The following TEX2 variants were observed in gnomAD, a reference collection of about 807,000 sequenced individuals.
TEX2 encodes testis expressed 2, also known as testis-expressed protein 2.
Under a neutral mutation model 106.9 loss-of-function variants are expected in TEX2, and 53 were observed. The observed-to-expected ratio is 0.50, with a 90% confidence interval of 0.40 to 0.62. The LOEUF (loss-of-function observed/expected upper bound fraction) is 0.62. Ranked by LOEUF, TEX2 falls within the 20% of genes least tolerant of loss-of-function variation. TEX2 has a pLI of 0.00. For synonymous variants in TEX2, 523 were observed against 534.8 expected (o/e 0.98, Z 0.30); for missense variants, 1,207 against 1,379.0 (o/e 0.88, Z 1.98).
chr17:64,197,922 T>C (rs1189748056), intron 2 of TEX2, among the ~76,000 whole-genome samples: 1 of 152,192 alleles, frequency 6.6e-6, no homozygotes, highest in East Asian at 1.9e-4. Context: ...CTGCAATTTC[T>C]GATAGGTTGT....
rs1386917070 is a variant in TEX2 at position 64,188,151 on chromosome 17, C to T, written c.2424+17G>A. The stretch of plus-strand genomic sequence containing the variant: ...AGTCGAAAAGTGAAAAAGGTCCGGC[C>T]CAGCAGCCAGCTTTACCTTCTTCCC... On this transcript the variant is annotated intron_variant, in intron 5 of 11. Transcript: ENST00000584379. The T allele has an allele frequency of 2.5e-6, 4 of 1,599,614 alleles. No homozygotes were observed. The African/African-American group carries it at 4.0e-5, about 16-fold the overall frequency.
At chr17:64,193,463 G>A in intron 4 of TEX2, 96 bp downstream of exon 4, 1 of 993,982 alleles carries the variant, frequency 1.0e-6, no homozygotes, top group Admixed American at 2.8e-5. Context: ...TTCAGGGTGG[G>A]CTTCCTTCCT....
intron 1 of TEX2, among the ~76,000 whole-genome samples, chr17:64,237,867 T>G (rs1555635299): frequency 6.6e-6 from 1 of 152,186 alleles, no homozygotes; most frequent in Non-Finnish European, 1.5e-5. Flanking sequence ...TACTATTACA[T>G]GTCCACCCAG....
At chr17:64,236,426 G>A (rs1417148720) in intron 1 of TEX2, among the ~76,000 whole-genome samples, 1 of 152,146 alleles carries the variant, frequency 6.6e-6, no homozygotes, top group Non-Finnish European at 1.5e-5. Flanking sequence ...TTAGCTGGGT[G>A]TGATGGCTCA....
intron 2 of TEX2, among the ~76,000 whole-genome samples, chr17:64,209,315 C>T (rs2032928732): frequency 6.6e-6 from 1 of 152,200 alleles, no homozygotes; most frequent in African/African-American, 2.4e-5. Flanking sequence ...ACAGCATATC[C>T]TTCTAATTCA....
intron 4 of TEX2, among the ~76,000 whole-genome samples, chr17:64,192,131 T>C (rs2032324090): frequency 6.6e-6 from 1 of 152,196 alleles, no homozygotes; most frequent in African/African-American, 2.4e-5. Flanking sequence ...AGGCAGTGCC[T>C]GGTGCTGAGG....
intron 2 of TEX2, among the ~76,000 whole-genome samples, chr17:64,209,060 A>G (rs2032922131): frequency 6.6e-6 from 1 of 152,172 alleles, no homozygotes; most frequent in Non-Finnish European, 1.5e-5. Flanking sequence ...CCTATCACAT[A>G]CCTAATACGT....
At chr17:64,206,151 C>G (rs1424875764) in intron 2 of TEX2, among the ~76,000 whole-genome samples, 1 of 152,126 alleles carries the variant, frequency 6.6e-6, no homozygotes, top group Non-Finnish European at 1.5e-5. Flanking sequence ...CCCCATTTTC[C>G]CCGTGCCCAA....
At chr17:64,165,354 C>T (rs2031079202) in intron 7 of TEX2, among the ~76,000 whole-genome samples, 1 of 152,170 alleles carries the variant, frequency 6.6e-6, no homozygotes, top group Admixed American at 6.5e-5. Flanking sequence ...AGAGCTCCAC[C>T]CCTTCAAGGT....
rs781966552 is a variant in TEX2 at position 64,213,860 on chromosome 17, G to C, written c.358C>G (p.Pro120Ala). ...SKNTVKLLES[P>A]VPAAQVLSTV... ...CTTAATACTTGTGCTGCTGGAACAG[G>C]GGACTCCAACAGCTTTACAGTGTTC... The change falls in exon 2 of 12, where the codon CCT becomes GCT. Residue 120 changes from proline (P) to alanine (A), a missense_variant. By Grantham distance (27) the Pro-to-Ala change is conservative (BLOSUM62 -1). Transcript: ENST00000584379. The surrounding 1 kb of genome is among the most constrained non-coding windows in gnomAD (Gnocchi z 4.4). 9.3e-6 allele frequency: 15 copies of C among 1,614,204 alleles called. No homozygotes were observed. Among genetic ancestry groups the C allele is most frequent in the Non-Finnish European group, 1.2e-5 (14 of 1,180,032 alleles).
chr17:64,247,123 C>T (rs1209077037), intron 1 of TEX2, among the ~76,000 whole-genome samples: 1 of 151,296 alleles, frequency 6.6e-6, no homozygotes, highest in Non-Finnish European at 1.5e-5. Flanking sequence ...ACTAAAATTA[C>T]AAAAATTAGC....
At chr17:64,215,103 G>A (rs73328151) in intron 1 of TEX2, among the ~76,000 whole-genome samples, 2,202 of 152,296 alleles carry the variant, frequency 0.014, 52 homozygotes, top group African/African-American at 0.05. Context: ...TCTTTCTGGA[G>A]CTTAGCTGGA....
intron 1 of TEX2, among the ~76,000 whole-genome samples, chr17:64,259,548 A>C (rs2034251098): frequency 6.6e-6 from 1 of 152,236 alleles, no homozygotes; most frequent in Admixed American, 6.5e-5. Flanking sequence ...TCCTGAAGTT[A>C]ATGTTTCTCA....
intron 1 of TEX2, among the ~76,000 whole-genome samples, chr17:64,226,860 A>C (rs973805577): frequency 9.2e-5 from 14 of 152,096 alleles, no homozygotes; most frequent in African/African-American, 3.4e-4. Flanking sequence ...TAGTATAAAA[A>C]ATAATAAAAT....
chr17:64,157,975 C>G (rs1393960562), intron 8 of TEX2, among the ~76,000 whole-genome samples: 1 of 152,222 alleles, frequency 6.6e-6, no homozygotes, highest in African/African-American at 2.4e-5. Context: ...GCAGAGCGCT[C>G]CCTTTAACTA....
rs1159868276 is a variant in TEX2 at position 64,195,474 on chromosome 17, T to A, written c.1645-379A>T. Among the ~76,000 whole-genome samples, 3 of 152,166 alleles carry A rather than the reference T, an allele frequency of 2.0e-5. No individual in the cohort carries two copies. On this transcript the variant is annotated intron_variant, in intron 2 of 11. Transcript: ENST00000584379. The surrounding 1 kb of genome is among the most constrained non-coding windows in gnomAD (Gnocchi z 4.1). ...TCCCACCCAGTCTGGCCTTCTTAATTAGCTAAACACATGCTCTTCCCAGCC... is the reference window on the plus strand; with the variant it reads ...TCCCACCCAGTCTGGCCTTCTTAATAAGCTAAACACATGCTCTTCCCAGCC...
At position 64,193,632 on chromosome 17, in the gene TEX2, A is replaced by G. The variant is rs187265452; in HGVS notation, c.2103T>C (p.Phe701=). Residue 701 remains phenylalanine, a synonymous_variant, in exon 4 of 12, where the codon TTT becomes TTC. Transcript: ENST00000584379. The part of the protein sequence containing the change: ...GRTGREKEEW[F]RRFILASKLK... ...GCTTAGATGCCAGAATAAATCTCCT[A>G]AACCATTCCTCTTTTTCTCGGCCAG... The G allele has an allele frequency of 6.5e-7, 1 of 1,540,596 alleles. No homozygotes were observed. The highest frequency in any genetic ancestry group is 2.3e-5 in the East Asian group (1 of 43,180).
At chr17:64,208,308 G>T (rs543573160) in intron 2 of TEX2, among the ~76,000 whole-genome samples, 1 of 151,704 alleles carries the variant, frequency 6.6e-6, no homozygotes, top group Admixed American at 6.6e-5. Flanking sequence ...GCATGATCAC[G>T]GCTCAGTGCA....
chr17:64,171,188 A>G lies in TEX2; in HGVS notation c.2583T>C (p.Phe861=). ...MKLSKIKLPY[F]MNELTLTELD... is the part of the protein sequence containing the mutation. Reference sequence around the variant, plus strand: ...GTTCCGTCAGAGTGAGCTCATTCATAAAGTAGGGGAGCTAGAGGAAACAAG... The same window carrying G: ...GTTCCGTCAGAGTGAGCTCATTCATGAAGTAGGGGAGCTAGAGGAAACAAG... The change falls in exon 7 of 12, where the codon TTT becomes TTC. Residue 861 remains phenylalanine, a synonymous_variant. Transcript: ENST00000584379. 6.2e-7 allele frequency: 1 copy of G among 1,613,968 alleles called. No individual in the cohort carries two copies. Among genetic ancestry groups the G allele is most frequent in the Non-Finnish European group, 8.5e-7 (1 of 1,179,896 alleles).
Sources: allele counts gnomAD v4.1 joint callset (sites outside exome capture counted in the v4.1 genomes callset), GRCh38; gene constraint gnomAD v4.1.1; non-coding constraint Gnocchi (gnomAD v3.1); transcripts MANE v1.5; gene names NCBI Gene and HGNC (gene_info 2026-07-23, HGNC 2026-07-21).